SCFD2: variants seen among roughly 807,000 people sequenced by gnomAD.
SCFD2 encodes the protein sec1 family domain containing 2, also known as sec1 family domain-containing protein 2.
Under a neutral mutation model 58.9 loss-of-function variants are expected in SCFD2, and 54 were observed. The observed-to-expected ratio is 0.92, with a 90% CI of 0.74 to 1.15. The LOEUF (loss-of-function observed/expected upper bound fraction) is 1.15, where lower values mean the gene tolerates loss of function less well. SCFD2 is among the 50% of genes most tolerant of loss of function. SCFD2 has a pLI of 0.00. For synonymous variants in SCFD2, 321 were observed against 335.9 expected (o/e 0.96, Z 0.49); for missense variants, 805 against 836.6 (o/e 0.96, Z 0.47).
chr4:53,288,656 C>A (rs1226417931), intron 3 of SCFD2, among the ~76,000 whole-genome samples: 1 of 152,160 alleles, frequency 6.6e-6, no homozygotes, highest in African/African-American at 2.4e-5. Context: ...CCCAGCAAAG[C>A]TTTCCTTCAG....
intron 5 of SCFD2, among the ~76,000 whole-genome samples, chr4:53,087,150 A>G (rs1051120385): frequency 6.6e-6 from 1 of 152,184 alleles, no homozygotes; most frequent in Admixed American, 6.5e-5. Context: ...ATATACACCA[A>G]CTACTACCCA....
chr4:53,079,668 GC>G (rs2148856712), intron 5 of SCFD2, among the ~76,000 whole-genome samples: 1 of 152,226 alleles, frequency 6.6e-6, no homozygotes, highest in East Asian at 1.9e-4. Context: ...AAGTAACAGT[GC>G]TCACAGCACC....
chr4:52,892,340 G>A (rs1008254249), intron 7 of SCFD2, among the ~76,000 whole-genome samples: 1 of 152,124 alleles, frequency 6.6e-6, no homozygotes, highest in East Asian at 1.9e-4. Context: ...CCCCAAGCCA[G>A]TCTGCTCTTG....
chr4:52,985,299 C>T (rs970500063), intron 5 of SCFD2, among the ~76,000 whole-genome samples: 1 of 152,178 alleles, frequency 6.6e-6, no homozygotes, highest in Non-Finnish European at 1.5e-5. Flanking sequence ...CTTCTGAGTA[C>T]AGTTTTAGGA....
intron 4 of SCFD2, among the ~76,000 whole-genome samples, chr4:53,150,284 CA>C (rs1463888309): frequency 1.3e-5 from 2 of 152,110 alleles, no homozygotes; most frequent in African/African-American, 4.8e-5. Context: ...TCCTCACAAC[CA>C]GAGCCATCAG....
At chr4:53,258,422 G>C (rs1306040299) in intron 4 of SCFD2, among the ~76,000 whole-genome samples, 1 of 151,306 alleles carries the variant, frequency 6.6e-6, no homozygotes, top group Non-Finnish European at 1.5e-5. Flanking sequence ...AAGATGTTTG[G>C]TTTTCCATTC....
intron 5 of SCFD2, among the ~76,000 whole-genome samples, chr4:52,944,933 C>T (rs1305094626): frequency 6.6e-6 from 1 of 152,128 alleles, no homozygotes; most frequent in East Asian, 1.9e-4. Flanking sequence ...TTGACCAACT[C>T]CTGTATCAAT....
At chr4:52,959,210 A>G (rs552992489) in intron 5 of SCFD2, among the ~76,000 whole-genome samples, 2 of 152,206 alleles carry the variant, frequency 1.3e-5, no homozygotes, top group African/African-American at 4.8e-5. Context: ...TCTAGTCTCA[A>G]TCTGTAATGG....
intron 5 of SCFD2, among the ~76,000 whole-genome samples, chr4:52,941,118 C>T (rs1283225261): frequency 6.6e-6 from 1 of 151,970 alleles, no homozygotes; most frequent in Non-Finnish European, 1.5e-5. Context: ...GAGAAGGTAG[C>T]CTCACACCCC....
intron 4 of SCFD2, among the ~76,000 whole-genome samples, chr4:53,201,727 G>T (rs1331647325): frequency 2.6e-5 from 4 of 152,144 alleles, no homozygotes; most frequent in South Asian, 2.1e-4. Context: ...CTAACTGGTG[G>T]GAGATGGTAT....
At chr4:53,165,796 T>C (rs1165211595) in intron 4 of SCFD2, among the ~76,000 whole-genome samples, 1 of 152,214 alleles carries the variant, frequency 6.6e-6, no homozygotes, top group Non-Finnish European at 1.5e-5. Flanking sequence ...ACTTGATATA[T>C]AGCAGGAAAT....
intron 4 of SCFD2, among the ~76,000 whole-genome samples, chr4:53,252,805 T>C (rs925647406): frequency 3.9e-5 from 6 of 152,198 alleles, no homozygotes; most frequent in African/African-American, 1.2e-4. Flanking sequence ...ACCTAGGCAT[T>C]ACCATTCAGG....
At chr4:52,945,930 T>A (rs1250401185) in intron 5 of SCFD2, among the ~76,000 whole-genome samples, 1 of 152,236 alleles carries the variant, frequency 6.6e-6, no homozygotes, top group Admixed American at 6.5e-5. Context: ...TGGGGGGTTA[T>A]ATTCTTTTCT....
At chr4:53,129,204 C>T (rs1254829896) in intron 5 of SCFD2, among the ~76,000 whole-genome samples, 1 of 150,050 alleles carries the variant, frequency 6.7e-6, no homozygotes, top group Admixed American at 6.7e-5. Context: ...AAAGTTCAGG[C>T]GTGTATCTTG....
intron 5 of SCFD2, among the ~76,000 whole-genome samples, chr4:52,925,339 C>T (rs1719838470): frequency 7.3e-6 from 1 of 137,082 alleles, no homozygotes; most frequent in Non-Finnish European, 1.5e-5. Context: ...CTGCTAAAGC[C>T]ATATATATAT....
At chr4:52,906,542 C>T (rs1719352643) in intron 7 of SCFD2, among the ~76,000 whole-genome samples, 1 of 152,196 alleles carries the variant, frequency 6.6e-6, no homozygotes, top group Non-Finnish European at 1.5e-5. Context: ...AATGCACCAA[C>T]CAGGCACTGC....
intron 5 of SCFD2, among the ~76,000 whole-genome samples, chr4:52,934,142 C>G (rs1353905435): frequency 6.6e-6 from 1 of 152,198 alleles, no homozygotes. Flanking sequence ...AATGATCAAC[C>G]TAGATGGACC....
intron 5 of SCFD2, among the ~76,000 whole-genome samples, chr4:53,136,513 C>T (rs1725947716): frequency 6.6e-6 from 1 of 152,142 alleles, no homozygotes; most frequent in Admixed American, 6.5e-5. Flanking sequence ...TCATGGAAAA[C>T]CTGAAAACAC....
At chr4:53,260,454 T>A (rs1463578915) in intron 4 of SCFD2, among the ~76,000 whole-genome samples, 1 of 152,194 alleles carries the variant, frequency 6.6e-6, no homozygotes, top group East Asian at 1.9e-4. Flanking sequence ...CTGGATTTTG[T>A]CCATTGCTTT....
Sources: gnomAD v4.1 joint callset for allele counts (sites outside exome capture counted in the v4.1 genomes callset) on GRCh38, gnomAD v4.1.1 for gene constraint, MANE v1.5 for transcripts, NCBI Gene and HGNC (gene_info 2026-07-23, HGNC 2026-07-21) for gene names.